The following RPS6KA5 variants were observed in gnomAD, a reference collection of about 807,000 sequenced individuals.
RPS6KA5 encodes the protein ribosomal protein S6 kinase A5, also known as ribosomal protein S6 kinase alpha-5.
In RPS6KA5, 27 loss-of-function variants were observed where a neutral mutation model predicts 85.5. The observed-to-expected ratio is 0.32, with a 90% CI of 0.23 to 0.44. RPS6KA5 has a LOEUF of 0.44. RPS6KA5 is among the 20% of genes least tolerant of loss of function. RPS6KA5 has a pLI of 1.00. For missense variants in RPS6KA5, 811 were observed against 980.9 expected (o/e 0.83, Z 2.31); for synonymous variants, 334 against 348.2 (o/e 0.96, Z 0.46).
intron 5 of RPS6KA5, among the ~76,000 whole-genome samples, chr14:90,939,683 C>T (rs2037468936): frequency 6.6e-6 from 1 of 152,132 alleles, no homozygotes; most frequent in African/African-American, 2.4e-5. Flanking sequence ...TCTCGTGAGA[C>T]TTATTCACTA....
At chr14:91,037,597 T>C (rs1309034307) in intron 1 of RPS6KA5, among the ~76,000 whole-genome samples, 1 of 152,212 alleles carries the variant, frequency 6.6e-6, no homozygotes, top group Non-Finnish European at 1.5e-5. Context: ...CAGTCTCATA[T>C]AGTAAATCCA....
chr14:90,948,705 A>C (rs542912234), intron 3 of RPS6KA5, among the ~76,000 whole-genome samples: 12 of 143,316 alleles, frequency 8.4e-5, no homozygotes, highest in Admixed American at 2.0e-4. Flanking sequence ...AAAAAAAAAA[A>C]CAAAAAAACC....
chr14:90,979,763 A>G (rs1595387974), intron 2 of RPS6KA5, among the ~76,000 whole-genome samples: 1 of 152,236 alleles, frequency 6.6e-6, no homozygotes, highest in South Asian at 2.1e-4. Context: ...AATCCTCAAA[A>G]CAGCCAGTGA....
intron 3 of RPS6KA5, among the ~76,000 whole-genome samples, chr14:90,962,277 G>GT (rs201181137): frequency 1.1e-3 from 165 of 146,010 alleles, no homozygotes; most frequent in Middle Eastern, 3.5e-3. Context: ...TTTCCTAAGG[G>GT]TTTTTTTTTA....
chr14:91,060,336 C>T lies in RPS6KA5; in HGVS notation c.99G>A (p.Arg33=), dbSNP rs754930685. 1.4e-6 allele frequency: 2 copies of T among 1,398,648 alleles called. No individual in the cohort carries two copies. The highest frequency in any genetic ancestry group is 1.9e-6 in the Non-Finnish European group (2 of 1,066,204). The allele number at this position is 1,398,648 out of a possible 1,614,324, so 86.6% of individuals were successfully genotyped here. Residue 33 remains arginine (R), a synonymous_variant, in exon 1 of 17, where the codon CGG becomes CGA. Transcript: ENST00000614987. ...EQLLTVKHEL[R]TANLTGHAEK... The stretch of plus-strand genomic sequence containing the variant: ...GCAGAGGGCGGGGTCGCTCACCAGT[C>T]CGCAGCTCGTGCTTGACAGTGAGGA...
At chr14:91,002,465 A>AATTTAT (rs2040832352) in intron 1 of RPS6KA5, among the ~76,000 whole-genome samples, 1 of 152,098 alleles carries the variant, frequency 6.6e-6, no homozygotes, top group South Asian at 2.1e-4. Flanking sequence ...AAATGAATCA[A>AATTTAT]ATTTATATGG....
At chr14:90,965,125 G>A (rs912065179) in intron 3 of RPS6KA5, among the ~76,000 whole-genome samples, 3 of 152,110 alleles carry the variant, frequency 2.0e-5, no homozygotes, top group Non-Finnish European at 2.9e-5. Context: ...GCTGGGCGCT[G>A]TGGCTCATGC....
chr14:91,003,572 G>C (rs1378755833), intron 1 of RPS6KA5, among the ~76,000 whole-genome samples: 1 of 152,114 alleles, frequency 6.6e-6, no homozygotes, highest in Non-Finnish European at 1.5e-5. Context: ...CCAGATGAAG[G>C]GTGCCTTCTG....
intron 1 of RPS6KA5, among the ~76,000 whole-genome samples, chr14:91,020,636 G>GTGTGTGTT (rs2041723681): frequency 1.3e-5 from 2 of 150,684 alleles, no homozygotes; most frequent in African/African-American, 4.9e-5. Flanking sequence ...GTGTGTGTGT[G>GTGTGTGTT]TGTGTGTGTG....
rs112672624 is a variant in RPS6KA5 at position 90,905,106 on chromosome 14, A to T, written c.957+1043T>A. Among the ~76,000 whole-genome samples, 706 of 152,282 alleles carry T rather than the reference A, an allele frequency of 4.6e-3. 7 individuals are homozygous for T. Among genetic ancestry groups the T allele is most frequent in the African/African-American group, 0.016 (670 of 41,590 alleles). On this transcript the variant is annotated intron_variant, in intron 8 of 16. Transcript: ENST00000614987. The stretch of plus-strand genomic sequence containing the variant: ...TTTCTCATTATGTTACTGAACTTCT[A>T]TAAGATGTGCAGTAGTATTATAAAA...
intron 7 of RPS6KA5, among the ~76,000 whole-genome samples, chr14:90,917,333 G>GGTA (rs1466865579): frequency 7.5e-5 from 11 of 145,962 alleles, no homozygotes; most frequent in African/African-American, 2.7e-4. Flanking sequence ...TCCTGGAAAA[G>GGTA]GTACACTTTA....
chr14:91,010,589 GA>G (rs1430303034), intron 1 of RPS6KA5, among the ~76,000 whole-genome samples: 1 of 152,170 alleles, frequency 6.6e-6, no homozygotes, highest in Non-Finnish European at 1.5e-5. Context: ...TATGTGAATA[GA>G]AAAGCTTAAG....
chr14:90,904,101 C>A (rs1200575585), intron 8 of RPS6KA5, among the ~76,000 whole-genome samples: 1 of 152,154 alleles, frequency 6.6e-6, no homozygotes, highest in African/African-American at 2.4e-5. Flanking sequence ...AGGCGACCGC[C>A]ACCATGCCCG....
intron 5 of RPS6KA5, among the ~76,000 whole-genome samples, chr14:90,925,161 G>A (rs971135136): frequency 1.3e-5 from 2 of 152,302 alleles, no homozygotes; most frequent in East Asian, 1.9e-4. Context: ...AACCAGAGAG[G>A]TAGGCATATG....
rs1049755930 is a variant in RPS6KA5, at chr14:90,867,822, A to G, written c.*4252T>C. ...CTTTTCACCCTAATAGTAGGAAAAT[A>G]TTAGGCACCTACTTAATTCACAAAT... On this transcript the variant is annotated 3_prime_UTR_variant, in exon 17 of 17. Coordinates refer to ENST00000614987, the MANE Select transcript of RPS6KA5 (RefSeq NM_004755.4). 2.0e-5 allele frequency: 3 copies of G among 152,338 alleles called. No homozygotes were observed. Among genetic ancestry groups the G allele is most frequent in the Non-Finnish European group, 4.4e-5 (3 of 68,014 alleles). The allele number at this position is 152,338 out of a possible 1,614,324, so 9.4% of individuals were successfully genotyped here. A position where few individuals can be genotyped will look rare whatever the true frequency, so the allele number is the denominator to read the frequency against.
chr14:91,052,563 G>A (rs1011759257), intron 1 of RPS6KA5: 1 of 198,478 alleles, frequency 5.0e-6, no homozygotes, highest in Admixed American at 5.5e-5. Context: ...GGTGGCTCAA[G>A]CCTGTAATCC....
chr14:90,989,654 G>A (rs924605081), intron 2 of RPS6KA5, among the ~76,000 whole-genome samples: 45 of 152,082 alleles, frequency 3.0e-4, no homozygotes, highest in Admixed American at 2.6e-3. Flanking sequence ...TCAAAAGGAA[G>A]GCAGCAGAGA....
chr14:90,991,701 C>CAAAAAAAA (rs57545603), intron 2 of RPS6KA5, among the ~76,000 whole-genome samples: 8 of 85,994 alleles, frequency 9.3e-5, no homozygotes, highest in Non-Finnish European at 1.1e-4. Context: ...GACTCCATCT[C>CAAAAAAAA]AAAAAAAAAA....
At chr14:91,052,336 T>C in intron 1 of RPS6KA5, 1 of 372,764 alleles carries the variant, frequency 2.7e-6, no homozygotes, top group Non-Finnish European at 5.0e-6. Context: ...GGTATGGTAG[T>C]GGGTGCCTGT....
Sources: gnomAD v4.1 joint callset for allele counts (sites outside exome capture counted in the v4.1 genomes callset) on GRCh38, gnomAD v4.1.1 for gene constraint, MANE v1.5 for transcripts, NCBI Gene and HGNC (gene_info 2026-07-23, HGNC 2026-07-21) for gene names.